The following RBFOX1 variants were observed in gnomAD, a reference collection of about 807,000 sequenced individuals.
The protein encoded by RBFOX1 is RNA binding fox-1 homolog 1, also known as RNA binding protein fox-1 homolog 1.
In RBFOX1, 8 loss-of-function variants were observed where a neutral mutation model predicts 57.7. That is an observed-to-expected ratio of 0.14 (90% CI 0.08 to 0.25). The LOEUF is 0.25. Ranked by LOEUF, RBFOX1 falls within the 10% of genes least tolerant of loss-of-function variation. RBFOX1 has a pLI of 1.00. For missense variants in RBFOX1, 611 were observed against 548.5 expected (o/e 1.11, Z -1.14); for synonymous variants, 326 against 222.4 (o/e 1.47, Z -4.15).
intron 10 of RBFOX1, among the ~76,000 whole-genome samples, chr16:7,628,607 C>T (rs954389561): frequency 6.6e-6 from 1 of 152,032 alleles, no homozygotes; most frequent in Non-Finnish European, 1.5e-5. Flanking sequence ...TCATCTCATA[C>T]GTTGTGATAA....
At chr16:7,511,318 C>T (rs1333374105) in intron 4 of RBFOX1, among the ~76,000 whole-genome samples, 1 of 152,150 alleles carries the variant, frequency 6.6e-6, no homozygotes, top group Non-Finnish European at 1.5e-5. Context: ...TTTATTAAAC[C>T]ACTCAGGGCA....
intron 2 of RBFOX1, among the ~76,000 whole-genome samples, chr16:5,478,836 C>T (rs998933769): frequency 1.3e-5 from 2 of 152,120 alleles, no homozygotes; most frequent in African/African-American, 4.8e-5. Flanking sequence ...TACTCCCTCC[C>T]ATGGGCTGCT....
At position 7,120,846 on chromosome 16, in the gene RBFOX1, C is replaced by CACACACACAT. The variant is rs1349033894; in HGVS notation, c.27+68757_27+68758insTACACACACA. 9.3e-4 allele frequency among the ~76,000 whole-genome samples: 140 copies of CACACACACAT among 150,148 alleles called. 1 individual carries two copies. The highest frequency in any genetic ancestry group is 3.3e-3 in the African/African-American group (136 of 41,028). Reference sequence around the variant, plus strand: ...ATGTATATATACACACACACACACACACACACACACACATACGTAAACATA... The same window carrying CACACACACAT: ...ATGTATATATACACACACACACACACACACACACATACACACACACACATACGTAAACATA... On this transcript the variant is annotated intron_variant, in intron 4 of 15. Transcript: ENST00000550418.
chr16:6,366,085 A>ATGTG lies in RBFOX1; in HGVS notation c.-64+49064_-64+49067dup, dbSNP rs71145219. The stretch of plus-strand genomic sequence containing the variant: ...TCTGGTCGAGAATGGTGGCCATTCT[A>ATGTG]TGTGTGTGTGTGTGTGTGTGTGTGT... On this transcript the variant is annotated intron_variant, in intron 2 of 15. Transcript: ENST00000550418. Among the ~76,000 whole-genome samples, 1,382 of 144,398 alleles carry ATGTG rather than the reference A, an allele frequency of 9.6e-3. 10 individuals carry two copies. The highest frequency in any genetic ancestry group is 0.018 in the East Asian group (88 of 4,854). The allele number at this position is 144,398 out of a possible 152,430, so 94.7% of individuals were successfully genotyped here.
intron 2 of RBFOX1, among the ~76,000 whole-genome samples, chr16:6,463,714 C>G (rs1273743375): frequency 6.6e-6 from 1 of 152,194 alleles, no homozygotes; most frequent in African/African-American, 2.4e-5. Flanking sequence ...TAGCTTGGCT[C>G]CGCCATTATA....
intron 3 of RBFOX1, among the ~76,000 whole-genome samples, chr16:6,983,184 T>A (rs76545426): frequency 0.066 from 9,989 of 151,974 alleles, 404 homozygotes; most frequent in South Asian, 0.17. Flanking sequence ...CTCTACCCTT[T>A]CCTTGGGTAG....
chr16:6,307,337 C>T (rs973848984), intron 1 of RBFOX1, among the ~76,000 whole-genome samples: 1 of 151,822 alleles, frequency 6.6e-6, no homozygotes, highest in Non-Finnish European at 1.5e-5. Flanking sequence ...GAGCCAAGAT[C>T]GCGCACTGCA....
intron 4 of RBFOX1, among the ~76,000 whole-genome samples, chr16:7,506,247 A>C (rs138817377): frequency 6.6e-6 from 1 of 151,886 alleles, no homozygotes; most frequent in East Asian, 1.9e-4. Flanking sequence ...TTACCAGAAC[A>C]AAAGTTTATA....
At chr16:7,312,329 G>C (rs980673252) in intron 4 of RBFOX1, among the ~76,000 whole-genome samples, 3 of 152,196 alleles carry the variant, frequency 2.0e-5, no homozygotes, top group African/African-American at 7.2e-5. Flanking sequence ...GCAGTGAGCC[G>C]AGATCGCGGC....
intron 1 of RBFOX1, among the ~76,000 whole-genome samples, chr16:5,436,430 C>G (rs759740000): frequency 6.6e-6 from 1 of 152,210 alleles, no homozygotes; most frequent in Non-Finnish European, 1.5e-5. Context: ...CTTCTATTCT[C>G]TAAGCTCTTT....
At chr16:6,683,505 T>A (rs886079208) in intron 3 of RBFOX1, among the ~76,000 whole-genome samples, 27 of 152,342 alleles carry the variant, frequency 1.8e-4, no homozygotes, top group African/African-American at 6.5e-4. Flanking sequence ...AAACTATATA[T>A]AAACAAAACT....
At chr16:5,854,396 T>C (rs563700338) in intron 3 of RBFOX1, among the ~76,000 whole-genome samples, 1 of 152,216 alleles carries the variant, frequency 6.6e-6, no homozygotes, top group Non-Finnish European at 1.5e-5. Context: ...TGAGTTAAAC[T>C]CTTTTAGATC....
chr16:5,957,290 C>G (rs1014613863), intron 4 of RBFOX1, among the ~76,000 whole-genome samples: 6 of 152,212 alleles, frequency 3.9e-5, no homozygotes, highest in Non-Finnish European at 7.3e-5. Flanking sequence ...TCTCAGCTCA[C>G]TGCAACCTCC....
chr16:6,731,417 C>A (rs1022931668), intron 3 of RBFOX1, among the ~76,000 whole-genome samples: 1 of 152,130 alleles, frequency 6.6e-6, no homozygotes, highest in Admixed American at 6.5e-5. Flanking sequence ...TCTTTTGTAG[C>A]ATACTGCTAC....
intron 4 of RBFOX1, among the ~76,000 whole-genome samples, chr16:5,905,511 T>C (rs2058435957): frequency 6.6e-6 from 1 of 152,056 alleles, no homozygotes; most frequent in Non-Finnish European, 1.5e-5. Flanking sequence ...CAGGAGTTTT[T>C]GACCAGCTTG....
At chr16:7,025,075 G>A (rs183761429) in intron 3 of RBFOX1, among the ~76,000 whole-genome samples, 1 of 152,294 alleles carries the variant, frequency 6.6e-6, no homozygotes, top group Admixed American at 6.5e-5. Context: ...CGTGTCTGTA[G>A]AGTGAAGCGA....
chr16:5,979,051 T>C (rs145834604), intron 4 of RBFOX1, among the ~76,000 whole-genome samples: 1 of 152,244 alleles, frequency 6.6e-6, no homozygotes, highest in African/African-American at 2.4e-5. Context: ...TGCAGAACCA[T>C]GGACAATGGT....
chr16:6,501,007 C>A (rs1339190157), intron 2 of RBFOX1, among the ~76,000 whole-genome samples: 1 of 151,622 alleles, frequency 6.6e-6, no homozygotes, highest in African/African-American at 2.4e-5. Flanking sequence ...CCCCTTCCTC[C>A]CAGAGCTACT....
chr16:5,789,461 G>T (rs1165945722), intron 3 of RBFOX1, among the ~76,000 whole-genome samples: 2 of 152,084 alleles, frequency 1.3e-5, no homozygotes, highest in African/African-American at 4.8e-5. Context: ...GTGTGCATGG[G>T]CATGTATGGG....
Sources: allele counts gnomAD v4.1 joint callset (sites outside exome capture counted in the v4.1 genomes callset), GRCh38; gene constraint gnomAD v4.1.1; transcripts MANE v1.5; gene names NCBI Gene and HGNC (gene_info 2026-07-23, HGNC 2026-07-21).